RBFOX1: variants seen among roughly 807,000 people sequenced by gnomAD.
RBFOX1 encodes the protein RNA binding fox-1 homolog 1.
Under a neutral mutation model 57.7 loss-of-function variants are expected in RBFOX1, and 8 were observed. That is an observed-to-expected ratio of 0.14 (90% CI 0.08 to 0.25). RBFOX1 has a LOEUF of 0.25. Among genes scored for constraint, RBFOX1 ranks in the 10% least tolerant of loss-of-function variants. The pLI, the probability that RBFOX1 is intolerant of heterozygous loss-of-function variation, is 1.00. For synonymous variants in RBFOX1, 326 were observed against 222.4 expected, an observed-to-expected ratio of 1.47 and a Z score of -4.15; for missense variants, 611 against 548.5, an observed-to-expected ratio of 1.11 and a Z score of -1.14.
chr16:7,027,688 A>G (rs2041385974), intron 3 of RBFOX1, among the ~76,000 whole-genome samples: 1 of 152,220 alleles, frequency 6.6e-6, no homozygotes, highest in East Asian at 1.9e-4. Flanking sequence ...GTTTCCAGAC[A>G]GAAGAGGAAT....
At chr16:7,091,367 T>C (rs1162703970) in intron 4 of RBFOX1, among the ~76,000 whole-genome samples, 2 of 149,200 alleles carry the variant, frequency 1.3e-5, no homozygotes, top group Non-Finnish European at 3.0e-5. Context: ...TTTAAAAACT[T>C]TTTTTTTTTA....
intron 1 of RBFOX1, among the ~76,000 whole-genome samples, chr16:5,277,836 T>C (rs1353277062): frequency 6.6e-6 from 1 of 152,234 alleles, no homozygotes; most frequent in African/African-American, 2.4e-5. Flanking sequence ...GATTTCATTC[T>C]TTTTTATGGC....
chr16:6,852,503 G>A (rs1256323178), intron 3 of RBFOX1, among the ~76,000 whole-genome samples: 1 of 152,224 alleles, frequency 6.6e-6, no homozygotes, highest in East Asian at 1.9e-4. Context: ...AGTCTTACAA[G>A]TAGGGAACAA....
chr16:6,277,185 G>T (rs1229246087), intron 1 of RBFOX1, among the ~76,000 whole-genome samples: 3 of 152,034 alleles, frequency 2.0e-5, no homozygotes, highest in Non-Finnish European at 4.4e-5. Context: ...TTTCAGCTGG[G>T]CACAGTGGCT....
chr16:7,682,939 T>C (rs1365426238), intron 14 of RBFOX1, among the ~76,000 whole-genome samples: 4 of 139,234 alleles, frequency 2.9e-5, no homozygotes, highest in South Asian at 2.3e-4. Flanking sequence ...CACACAGTTA[T>C]ACCTGTGAGA....
intron 1 of RBFOX1, among the ~76,000 whole-genome samples, chr16:6,064,702 A>C (rs2095736910): frequency 6.6e-6 from 1 of 151,890 alleles, no homozygotes; most frequent in African/African-American, 2.4e-5. Context: ...CACCACACCC[A>C]GCTAATTTTT....
intron 3 of RBFOX1, among the ~76,000 whole-genome samples, chr16:6,771,568 TATG>T (rs1567177773): frequency 1.3e-5 from 2 of 152,154 alleles, no homozygotes; most frequent in African/African-American, 4.8e-5. Context: ...TCTTCTCAGA[TATG>T]ATGCAGATAG....
intron 4 of RBFOX1, among the ~76,000 whole-genome samples, chr16:7,497,873 G>A (rs147419774): frequency 6.6e-6 from 1 of 152,204 alleles, no homozygotes; most frequent in Admixed American, 6.5e-5. Context: ...CACAGCGAAT[G>A]TCTGAGCTCT....
chr16:6,973,257 C>T (rs958712231), intron 3 of RBFOX1, among the ~76,000 whole-genome samples: 5 of 152,160 alleles, frequency 3.3e-5, no homozygotes, highest in Admixed American at 6.5e-5. Flanking sequence ...AAATGATTAA[C>T]AGTAAGTACT....
chr16:6,939,750 G>C (rs137901136), intron 3 of RBFOX1, among the ~76,000 whole-genome samples: 2 of 152,180 alleles, frequency 1.3e-5, no homozygotes, highest in East Asian at 3.9e-4. Context: ...GGCCTCAAAT[G>C]ATCAGCCTGC....
chr16:7,030,519 G>A (rs989236331), intron 3 of RBFOX1, among the ~76,000 whole-genome samples: 2 of 152,038 alleles, frequency 1.3e-5, no homozygotes, highest in Non-Finnish European at 2.9e-5. Context: ...GCGTTCCTTG[G>A]TTTGTGGCCA....
At chr16:6,882,531 G>A (rs541990619) in intron 3 of RBFOX1, among the ~76,000 whole-genome samples, 1 of 152,092 alleles carries the variant, frequency 6.6e-6, no homozygotes, top group Admixed American at 6.6e-5. Flanking sequence ...GAGGCAGGGA[G>A]GTTGCAGTGA....
intron 6 of RBFOX1, among the ~76,000 whole-genome samples, chr16:7,581,008 G>A (rs1555629182): frequency 6.6e-6 from 1 of 152,132 alleles, no homozygotes; most frequent in South Asian, 2.1e-4. Flanking sequence ...AGTTGGTGGT[G>A]TCTCCATATA....
At chr16:5,265,727 C>T (rs1267139754) in intron 1 of RBFOX1, among the ~76,000 whole-genome samples, 3 of 152,138 alleles carry the variant, frequency 2.0e-5, no homozygotes, top group African/African-American at 7.2e-5. Flanking sequence ...TGGCAACAGC[C>T]TGACTATCAG....
chr16:5,369,494 C>G (rs767490125), intron 1 of RBFOX1, among the ~76,000 whole-genome samples: 43 of 152,188 alleles, frequency 2.8e-4, no homozygotes, highest in Non-Finnish European at 4.4e-4. Context: ...CAGGCATCAC[C>G]TCATTTAATG....
chr16:5,934,525 C>T (rs1205628234), intron 4 of RBFOX1, among the ~76,000 whole-genome samples: 1 of 152,192 alleles, frequency 6.6e-6, no homozygotes, highest in African/African-American at 2.4e-5. Flanking sequence ...GTCCACGACT[C>T]ACGTTGCAGA....
chr16:6,788,365 T>C (rs998990905), intron 3 of RBFOX1, among the ~76,000 whole-genome samples: 6 of 152,172 alleles, frequency 3.9e-5, no homozygotes, highest in African/African-American at 1.4e-4. Context: ...GGCATGTAAC[T>C]ACCTTGTAAC....
intron 4 of RBFOX1, among the ~76,000 whole-genome samples, chr16:5,917,682 GC>G (rs2058738567): frequency 1.3e-5 from 2 of 152,080 alleles, no homozygotes; most frequent in Admixed American, 6.6e-5. Context: ...AGTCCATGCC[GC>G]CATCCACCGT....
chr16:7,124,860 A>G (rs2068089090), intron 4 of RBFOX1, among the ~76,000 whole-genome samples: 1 of 152,034 alleles, frequency 6.6e-6, no homozygotes, highest in Non-Finnish European at 1.5e-5. Context: ...AAATTACTAA[A>G]GTGTATTCCT....
Sources: gnomAD v4.1 joint callset for allele counts (sites outside exome capture counted in the v4.1 genomes callset) on GRCh38, gnomAD v4.1.1 for gene constraint, MANE v1.5 for transcripts, NCBI Gene and HGNC (gene_info 2026-07-23, HGNC 2026-07-21) for gene names.